EIF4G3: variants seen among roughly 807,000 people sequenced by gnomAD.
The protein encoded by EIF4G3 is eukaryotic translation initiation factor 4 gamma 3.
Under a neutral mutation model 186.4 loss-of-function variants are expected in EIF4G3, and 34 were observed. That is an observed-to-expected ratio of 0.18 (90% CI 0.14 to 0.24). The LOEUF (loss-of-function observed/expected upper bound fraction) is 0.24. Among genes scored for constraint, EIF4G3 ranks in the 10% least tolerant of loss-of-function variants. The pLI is 1.00. For missense variants in EIF4G3, 1,536 were observed against 1,948.5 expected (o/e 0.79, Z 3.99); for synonymous variants, 673 against 679.5 (o/e 0.99, Z 0.15).
At chr1:20,920,826 T>C (rs781566448) in intron 14 of EIF4G3, among the ~76,000 whole-genome samples, 2 of 152,136 alleles carry the variant, frequency 1.3e-5, no homozygotes, top group Non-Finnish European at 2.9e-5. Flanking sequence ...GAAATACTGT[T>C]TCAGAATGGC....
chr1:21,053,856 GC>G (rs1314124284), intron 3 of EIF4G3, among the ~76,000 whole-genome samples: 11 of 142,764 alleles, frequency 7.7e-5, no homozygotes, highest in Admixed American at 2.7e-4. Flanking sequence ...GGGGGGGTCA[GC>G]CCCCCGCCCG....
intron 20 of EIF4G3, among the ~76,000 whole-genome samples, chr1:20,871,083 A>G (rs948769459): frequency 2.6e-5 from 4 of 152,230 alleles, no homozygotes. Flanking sequence ...CTACCCTTTA[A>G]GACTTCAAGA....
intron 12 of EIF4G3, among the ~76,000 whole-genome samples, chr1:20,956,310 C>T (rs1458657713): frequency 6.6e-6 from 1 of 152,134 alleles, no homozygotes; most frequent in Non-Finnish European, 1.5e-5. Flanking sequence ...AGTGAAGAGA[C>T]ACTGGATAGT....
chr1:20,973,060 G>A lies in EIF4G3; in HGVS notation c.533C>T (p.Ala178Val), dbSNP rs1314220663. 1.9e-6 allele frequency: 3 copies of A among 1,611,178 alleles called. No individual in the cohort carries two copies. The highest frequency in any genetic ancestry group is 1.7e-5 in the Admixed American group (1 of 59,202). ...TTGCTGCGTAGGCACTATGATAGGTGCTGACTGATACACCGGCTGACTTGG... is the reference window on the plus strand; with the variant it reads ...TTGCTGCGTAGGCACTATGATAGGTACTGACTGATACACCGGCTGACTTGG... ...FYPSQPVYQS[A>V]PIIVPTQQQP... Residue 178 changes from alanine to valine, a missense_variant, in exon 11 of 37, where the codon GCA becomes GTA. Around this residue, in one of 11 missense-constraint regions of EIF4G3, gnomAD observed 194 missense variants for 212.8 expected, o/e 0.91. Coordinates refer to ENST00000602326, the MANE Select transcript of EIF4G3 (RefSeq NM_001391906.1).
intron 4 of EIF4G3, among the ~76,000 whole-genome samples, chr1:21,013,925 T>C (rs2087996690): frequency 1.3e-5 from 2 of 152,142 alleles, no homozygotes; most frequent in African/African-American, 4.8e-5. Context: ...ATCCCAGCAC[T>C]TTGGGAGGCT....
intron 4 of EIF4G3, among the ~76,000 whole-genome samples, chr1:21,031,631 T>C (rs1440818157): frequency 1.3e-5 from 2 of 151,924 alleles, no homozygotes; most frequent in Non-Finnish European, 2.9e-5. Flanking sequence ...AAGGAAAAAA[T>C]ATGACAACAA....
At position 20,899,780 on chromosome 1, in the gene EIF4G3, C is replaced by A. The variant is rs868821095; in HGVS notation, c.1916G>T (p.Ser639Ile). 1 of 1,614,152 alleles carries A rather than the reference C, an allele frequency of 6.2e-7. No individual in the cohort carries two copies. Among genetic ancestry groups the A allele is most frequent in the Admixed American group, 1.7e-5 (1 of 60,008 alleles). ...ATCTATTCCTTCACCCTCAGAAACA[C>A]TCTCAGCACCATTACGTACTGGCTC... is the stretch of plus-strand genomic sequence containing the variant. ...EAEPVRNGAE[S>I]VSEGEGIDAN... Residue 639 changes from serine (S) to isoleucine (I), a missense_variant, in exon 16 of 37, where the codon AGT becomes ATT. Coordinates refer to ENST00000602326, the MANE Select transcript of EIF4G3 (RefSeq NM_001391906.1).
intron 4 of EIF4G3, among the ~76,000 whole-genome samples, chr1:21,048,251 C>T (rs2094006718): frequency 6.6e-6 from 1 of 152,100 alleles, no homozygotes; most frequent in Non-Finnish European, 1.5e-5. Flanking sequence ...CAACTTGAAA[C>T]AGTAAGAATT....
Position 20,941,580 on chromosome 1 carries a change from A to G in EIF4G3, c.1574T>C (p.Ile525Thr). 2 of 1,614,024 alleles carry G rather than the reference A, an allele frequency of 1.2e-6. No individual in the cohort carries two copies. Among genetic ancestry groups the G allele is most frequent in the Non-Finnish European group, 1.7e-6 (2 of 1,179,988 alleles). The change falls in exon 14 of 37, where the codon ATT (isoleucine) becomes ACT (threonine). Residue 525 changes from isoleucine to threonine, a missense_variant. Physicochemically the swap from Ile to Thr is moderately conservative, Grantham distance 89. Coordinates refer to ENST00000602326, the MANE Select transcript of EIF4G3 (RefSeq NM_001391906.1). ...TGCTTCTACCTCTATTTTGTTCTGA[A>G]TCTCTTTTGCATCTTCACTAAGGCA... The part of the protein sequence containing the change: ...RTCLSEDAKE[I>T]QNKIEVEADG...
chr1:21,028,292 T>C (rs1445140895), intron 4 of EIF4G3, among the ~76,000 whole-genome samples: 1 of 152,226 alleles, frequency 6.6e-6, no homozygotes, highest in East Asian at 1.9e-4. Context: ...TTTGTGCTAT[T>C]TGCATTTTAA....
chr1:21,038,878 A>G (rs1299673700), intron 4 of EIF4G3, among the ~76,000 whole-genome samples: 1 of 152,206 alleles, frequency 6.6e-6, no homozygotes, highest in Non-Finnish European at 1.5e-5. Flanking sequence ...ATTATGAAAC[A>G]TATTTTTTTT....
At position 20,950,086 on chromosome 1, in the gene EIF4G3, T is replaced by G; in HGVS notation, c.740A>C (p.His247Pro). 1 of 1,598,800 alleles carries G rather than the reference T, an allele frequency of 6.3e-7. No homozygotes were observed. The highest frequency in any genetic ancestry group is 8.5e-7 in the Non-Finnish European group (1 of 1,174,806). Residue 247 changes from histidine to proline, a missense_variant, in exon 13 of 37, where the codon CAC (histidine) becomes CCC (proline). Coordinates refer to ENST00000602326, the MANE Select transcript of EIF4G3 (RefSeq NM_001391906.1). ...CACAGTCCCATAAACCACAGGGCTG[T>G]GCTCGGGGACCTGGCTGGGCAGCTG... ...PQQLPSQVPEHSPVVYGTVES... is the reference protein window; with the variant it reads ...PQQLPSQVPEPSPVVYGTVES...
At chr1:21,111,395 T>G (rs895165044) in intron 2 of EIF4G3, 3 of 471,464 alleles carry the variant, frequency 6.4e-6, no homozygotes, top group African/African-American at 6.0e-5. Flanking sequence ...TGGAAAGAAT[T>G]AGCAAAATAA....
chr1:20,884,792 C>T (rs960115089), intron 19 of EIF4G3, among the ~76,000 whole-genome samples: 1 of 152,120 alleles, frequency 6.6e-6, no homozygotes, highest in East Asian at 1.9e-4. Flanking sequence ...GTATTAACTA[C>T]TCTGTGGGTT....
chr1:20,993,079 C>T (rs113967144), intron 7 of EIF4G3, among the ~76,000 whole-genome samples: 165 of 152,290 alleles, frequency 1.1e-3, no homozygotes, highest in African/African-American at 3.9e-3. Flanking sequence ...ATTCTAAAAG[C>T]TCTTCAGGTT....
At chr1:21,060,782 G>GAAA (rs34598369) in intron 3 of EIF4G3, among the ~76,000 whole-genome samples, 1,424 of 116,944 alleles carry the variant, frequency 0.012, 2 homozygotes, top group East Asian at 0.044. Context: ...TGTCTCTTAA[G>GAAA]AAAAAAAAAA....
chr1:20,972,383 C>T (rs539870209), intron 11 of EIF4G3, among the ~76,000 whole-genome samples: 17 of 152,168 alleles, frequency 1.1e-4, no homozygotes, highest in Admixed American at 1.1e-3. Flanking sequence ...CCTATAATCC[C>T]AGCACTTTGG....
At chr1:20,967,085 CCA>C (rs900899693) in intron 12 of EIF4G3, among the ~76,000 whole-genome samples, 5 of 152,078 alleles carry the variant, frequency 3.3e-5, no homozygotes, top group African/African-American at 4.8e-5. Context: ...ATATTCAGAA[CCA>C]CAGTCTCTGG....
chr1:21,068,887 C>T lies in EIF4G3; in HGVS notation c.-195-17893G>A, dbSNP rs139468650. ...CCTGCAAACAGTTACCAGTTCAGCA[C>T]CCCCAATCTGAAAATCCAAAATCTG... On this transcript the variant is annotated intron_variant, in intron 3 of 36. Coordinates refer to ENST00000602326, the MANE Select transcript of EIF4G3 (RefSeq NM_001391906.1). 1.1e-4 allele frequency among the ~76,000 whole-genome samples: 16 copies of T among 152,324 alleles called. No homozygotes were observed. The East Asian group carries it at 2.7e-3, about 26-fold the overall frequency.
Sources: allele counts gnomAD v4.1 joint callset (sites outside exome capture counted in the v4.1 genomes callset), GRCh38; gene constraint gnomAD v4.1.1; regional missense constraint gnomAD v4.1.1; transcripts MANE v1.5; gene names NCBI Gene and HGNC (gene_info 2026-07-23, HGNC 2026-07-21).